SIK2: variants seen among roughly 807,000 people sequenced by gnomAD.
SIK2 encodes the protein serine/threonine-protein kinase SIK2.
In SIK2, 29 loss-of-function variants were observed where a neutral mutation model predicts 103.2. The ratio of observed to expected loss-of-function variants is 0.28; its 90% CI spans 0.21 to 0.38. The LOEUF is 0.38. Ranked by LOEUF, SIK2 falls within the 10% of genes least tolerant of loss-of-function variation. SIK2 has a pLI of 1.00. For synonymous variants in SIK2, 412 were observed against 446.1 expected, an observed-to-expected ratio of 0.92 and a Z score of 0.96; for missense variants, 879 against 1,171.0, an observed-to-expected ratio of 0.75 and a Z score of 3.64.
chr11:111,653,958 C>A (rs1043488974), intron 3 of SIK2, among the ~76,000 whole-genome samples: 1 of 152,188 alleles, frequency 6.6e-6, no homozygotes, highest in Non-Finnish European at 1.5e-5. Flanking sequence ...TTCTTTGACA[C>A]TTGCCATGTG....
intron 2 of SIK2, 47 bp downstream of exon 2, chr11:111,616,406 C>A: frequency 9.7e-7 from 1 of 1,034,534 alleles, no homozygotes; most frequent in Non-Finnish European, 1.5e-6. Context: ...CAAGATAGTT[C>A]TCTATTTCGT....
intron 9 of SIK2, among the ~76,000 whole-genome samples, chr11:111,715,063 G>C (rs1943601768): frequency 6.6e-6 from 1 of 152,204 alleles, no homozygotes; most frequent in Admixed American, 6.5e-5. Flanking sequence ...ACTGTAACCA[G>C]AAAACAGGCA....
chr11:111,724,263 T>A lies in SIK2; in HGVS notation c.*134T>A. ...GAGAAATCGAGCCACCCAACTGGAA[T>A]CAGAGGGTCTGGCTGGGGTGGATGT... On this transcript the variant is annotated 3_prime_UTR_variant, in exon 15 of 15. Coordinates refer to ENST00000304987, the MANE Select transcript of SIK2 (RefSeq NM_015191.3). The A allele has an allele frequency of 7.8e-7, 1 of 1,283,896 alleles. No homozygotes were observed. 79.5% of individuals were successfully genotyped at this position (1,283,896 alleles called of 1,614,324 possible). A position where few individuals can be genotyped will look rare whatever the true frequency, so the allele number is the denominator to read the frequency against.
At chr11:111,603,109 G>T (rs1591582966) in intron 1 of SIK2, among the ~76,000 whole-genome samples, 1 of 152,190 alleles carries the variant, frequency 6.6e-6, no homozygotes, top group South Asian at 2.1e-4. Flanking sequence ...CCCAGGCTGC[G>T]CCGTGAGAGA....
In SIK2 at chr11:111,701,925, T is replaced by G. The variant is rs1227530163; in HGVS notation, c.727+350T>G. On this transcript the variant is annotated intron_variant, in intron 6 of 14. Transcript: ENST00000304987. This position sits in a 1 kb window ranked among gnomAD's most constrained non-coding sequence, Gnocchi z 4.2. ...GAAATGAACTTTATAAAATTAAAAT[T>G]TTTTTAATTAAATAAAAAGCCAAAC... Among the ~76,000 whole-genome samples, 1 of 152,220 alleles carries G rather than the reference T, an allele frequency of 6.6e-6. No homozygotes were observed. Among genetic ancestry groups the G allele is most frequent in the Non-Finnish European group, 1.5e-5 (1 of 68,032 alleles).
chr11:111,678,995 C>A (rs1033797761), intron 3 of SIK2, among the ~76,000 whole-genome samples: 12 of 152,276 alleles, frequency 7.9e-5, no homozygotes, highest in South Asian at 2.1e-4. Flanking sequence ...AAGAATAGAG[C>A]CTCAGTTCAA....
At chr11:111,659,201 GTGCCTT>G (rs1942436160) in intron 3 of SIK2, among the ~76,000 whole-genome samples, 1 of 151,864 alleles carries the variant, frequency 6.6e-6, no homozygotes, top group South Asian at 2.1e-4. Flanking sequence ...GTTATTGTCG[GTGCCTT>G]TTAATTTTGC....
chr11:111,692,607 T>G (rs1375115013), intron 4 of SIK2, among the ~76,000 whole-genome samples: 1 of 152,142 alleles, frequency 6.6e-6, no homozygotes, highest in Admixed American at 6.5e-5. Flanking sequence ...TGGATTCCAA[T>G]GTCTTTAAAG....
intron 9 of SIK2, among the ~76,000 whole-genome samples, chr11:111,714,376 T>C (rs1039492611): frequency 5.3e-5 from 8 of 152,022 alleles, no homozygotes; most frequent in Non-Finnish European, 1.0e-4. Context: ...GAAGGAACAG[T>C]TGTTAGGGGA....
chr11:111,633,575 C>T (rs927175770), intron 3 of SIK2, among the ~76,000 whole-genome samples: 2 of 152,028 alleles, frequency 1.3e-5, no homozygotes, highest in South Asian at 2.1e-4. Context: ...TAAACATGAA[C>T]GAGGAAATAC....
At chr11:111,633,420 T>C (rs1484978309) in intron 3 of SIK2, among the ~76,000 whole-genome samples, 1 of 152,204 alleles carries the variant, frequency 6.6e-6, no homozygotes, top group Non-Finnish European at 1.5e-5. Flanking sequence ...ACCTGTTGAA[T>C]GAATGGTGTA....
chr11:111,651,743 C>T (rs1565332591), intron 3 of SIK2, among the ~76,000 whole-genome samples: 1 of 151,820 alleles, frequency 6.6e-6, no homozygotes, highest in Non-Finnish European at 1.5e-5. Context: ...TTCATTCATT[C>T]ATTTAACAGA....
At chr11:111,625,071 A>T (rs1202243241) in intron 3 of SIK2, among the ~76,000 whole-genome samples, 1 of 152,176 alleles carries the variant, frequency 6.6e-6, no homozygotes, top group African/African-American at 2.4e-5. Flanking sequence ...ACAGTAGAAG[A>T]GGAGGTCAGA....
At chr11:111,719,000 G>C (rs1416226457) in intron 9 of SIK2, 3 of 152,378 alleles carry the variant, frequency 2.0e-5, no homozygotes, top group Middle Eastern at 3.4e-3. Context: ...ATGCTTGCGG[G>C]GAGCTGTGCT....
chr11:111,712,816 C>T (rs950242606), intron 9 of SIK2, among the ~76,000 whole-genome samples: 67 of 152,266 alleles, frequency 4.4e-4, no homozygotes, highest in Admixed American at 4.2e-3. Flanking sequence ...AATGATGGGC[C>T]GTCTTTTGTG....
At chr11:111,614,500 A>G (rs1314129666) in intron 1 of SIK2, among the ~76,000 whole-genome samples, 1 of 152,198 alleles carries the variant, frequency 6.6e-6, no homozygotes, top group Non-Finnish European at 1.5e-5. Context: ...TTATTCTTAT[A>G]ATAAAGTAAA....
chr11:111,612,059 C>T (rs1941734734), intron 1 of SIK2, among the ~76,000 whole-genome samples: 1 of 152,104 alleles, frequency 6.6e-6, no homozygotes. Flanking sequence ...AAATCTCATT[C>T]ATTTTTATAT....
At chr11:111,646,286 C>G (rs1942256583) in intron 3 of SIK2, among the ~76,000 whole-genome samples, 1 of 151,992 alleles carries the variant, frequency 6.6e-6, no homozygotes, top group African/African-American at 2.4e-5. Context: ...CGCATCTCTA[C>G]TAAAAATACA....
intron 3 of SIK2, among the ~76,000 whole-genome samples, chr11:111,676,909 T>C (rs1039691927): frequency 5.3e-5 from 8 of 152,220 alleles, no homozygotes; most frequent in African/African-American, 1.9e-4. Flanking sequence ...GTGTTAGAAG[T>C]GTAACCAGAT....
Sources: gnomAD v4.1 joint callset for allele counts (sites outside exome capture counted in the v4.1 genomes callset) on GRCh38, gnomAD v4.1.1 for gene constraint, Gnocchi (gnomAD v3.1) non-coding constraint, MANE v1.5 for transcripts, NCBI Gene and HGNC (gene_info 2026-07-23, HGNC 2026-07-21) for gene names.